The following PPP1R13B variants were observed in gnomAD, a reference collection of about 807,000 sequenced individuals.
PPP1R13B encodes apoptosis-stimulating of p53 protein 1.
A neutral mutation model predicts 119.8 loss-of-function variants in PPP1R13B; 44 were observed. The ratio of observed to expected loss-of-function variants is 0.37; its 90% CI spans 0.29 to 0.47. The LOEUF is 0.47. Among genes scored for constraint, PPP1R13B ranks in the 20% least tolerant of loss-of-function variants. The probability of loss-of-function intolerance (pLI) is 0.99; values close to 1 mark genes in which losing one functional copy is unlikely to be tolerated. For missense variants in PPP1R13B, 1,227 were observed against 1,413.5 expected (o/e 0.87, Z 2.12); for synonymous variants, 542 against 561.5 (o/e 0.97, Z 0.49).
chr14:103,815,170 G>A (rs971415245), intron 1 of PPP1R13B, among the ~76,000 whole-genome samples: 2 of 152,096 alleles, frequency 1.3e-5, no homozygotes, highest in African/African-American at 4.8e-5. Context: ...AGTGAAAGAA[G>A]CCAGATACAA....
chr14:103,783,506 C>T (rs145569868), intron 3 of PPP1R13B, among the ~76,000 whole-genome samples: 16 of 152,180 alleles, frequency 1.1e-4, no homozygotes, highest in African/African-American at 1.9e-4. Context: ...CCTGCCTTGG[C>T]CTCCCAAAGT....
intron 1 of PPP1R13B, among the ~76,000 whole-genome samples, chr14:103,825,474 T>C (rs1347799079): frequency 6.6e-6 from 1 of 152,186 alleles, no homozygotes; most frequent in Non-Finnish European, 1.5e-5. Flanking sequence ...AAATTAAAAG[T>C]GCTACCCAGT....
chr14:103,821,197 T>A (rs915744021), intron 1 of PPP1R13B, among the ~76,000 whole-genome samples: 1 of 152,232 alleles, frequency 6.6e-6, no homozygotes, highest in African/African-American at 2.4e-5. Flanking sequence ...CATCCCTGCA[T>A]GACACATCCT....
At chr14:103,803,684 A>T (rs2085955076) in intron 1 of PPP1R13B, among the ~76,000 whole-genome samples, 1 of 152,118 alleles carries the variant, frequency 6.6e-6, no homozygotes, top group African/African-American at 2.4e-5. Context: ...ATAAACAAAT[A>T]AATAAAAGAT....
intron 1 of PPP1R13B, 87 bp downstream of exon 1, chr14:103,847,212 G>A (rs2152093927): frequency 2.9e-6 from 3 of 1,043,840 alleles, no homozygotes; most frequent in Middle Eastern, 4.5e-4. Flanking sequence ...GCACCGGCCC[G>A]CGGGGGCTGG....
intron 1 of PPP1R13B, among the ~76,000 whole-genome samples, chr14:103,833,950 C>G (rs541787906): frequency 6.6e-6 from 1 of 152,200 alleles, no homozygotes; most frequent in African/African-American, 2.4e-5. Context: ...CTTCAGTAAG[C>G]AAGTACATGT....
At chr14:103,836,288 C>T (rs975506845) in intron 1 of PPP1R13B, among the ~76,000 whole-genome samples, 9 of 151,642 alleles carry the variant, frequency 5.9e-5, no homozygotes, top group East Asian at 2.0e-4. Flanking sequence ...TCAGGTGATC[C>T]GCCTGCCTTG....
chr14:103,804,098 T>G, intron 1 of PPP1R13B: 1 of 982,178 alleles, frequency 1.0e-6, no homozygotes, highest in African/African-American at 1.7e-5. Context: ...CATTTTTTTT[T>G]TCATTCAAAA....
intron 2 of PPP1R13B, among the ~76,000 whole-genome samples, chr14:103,788,732 C>A (rs2085534055): frequency 1.3e-5 from 2 of 151,852 alleles, no homozygotes; most frequent in Admixed American, 6.6e-5. Flanking sequence ...CTACAGAAAC[C>A]TAGAGTTCCG....
chr14:103,800,395 G>A (rs1159747925), intron 1 of PPP1R13B, among the ~76,000 whole-genome samples: 3 of 152,054 alleles, frequency 2.0e-5, no homozygotes, highest in Non-Finnish European at 4.4e-5. Flanking sequence ...GCTTACGCCT[G>A]TAATCCCAGC....
chr14:103,799,935 C>G (rs1003217012), intron 1 of PPP1R13B, among the ~76,000 whole-genome samples: 1 of 151,912 alleles, frequency 6.6e-6, no homozygotes, highest in African/African-American at 2.4e-5. Context: ...CCTGCAGTCC[C>G]AGCTACTCAG....
rs530229027 is a variant in PPP1R13B at position 103,740,214 on chromosome 14, G to A, written c.2202C>T (p.Ala734=). The A allele has an allele frequency of 3.9e-5, 63 of 1,613,728 alleles. No homozygotes were observed. Among genetic ancestry groups the A allele is most frequent in the East Asian group, 2.9e-4 (13 of 44,878 alleles). The change falls in exon 12 of 17, where the codon GCC becomes GCT. Residue 734 remains alanine (A), a synonymous_variant. Coordinates refer to ENST00000202556, the MANE Select transcript of PPP1R13B (RefSeq NM_015316.3). The surrounding 1 kb of genome is among the most constrained non-coding windows in gnomAD (Gnocchi z 4.6). The stretch of plus-strand genomic sequence containing the variant: ...AGAAAGGGGTGCCCTCCATGCCACC[G>A]GCCAGGGTGTTGAAGCGCTGGTACA... ...KLLYQRFNTL[A]GGMEGTPFYQ...
chr14:103,758,035 G>A (rs923718445), intron 4 of PPP1R13B, among the ~76,000 whole-genome samples: 21 of 152,140 alleles, frequency 1.4e-4, no homozygotes, highest in African/African-American at 5.1e-4. Flanking sequence ...CCTCCTTCTG[G>A]AATGACAATT....
At chr14:103,814,207 G>C (rs1331543135) in intron 1 of PPP1R13B, among the ~76,000 whole-genome samples, 1 of 152,010 alleles carries the variant, frequency 6.6e-6, no homozygotes, top group Non-Finnish European at 1.5e-5. Flanking sequence ...ATATTAGCCG[G>C]GCATGGTGGC....
At chr14:103,846,819 C>T (rs1406882632) in intron 1 of PPP1R13B, 3 of 464,682 alleles carry the variant, frequency 6.5e-6, no homozygotes, top group East Asian at 1.4e-4. Context: ...GATGGCTCTC[C>T]AAATCCGTGC....
chr14:103,740,058 G>A lies in PPP1R13B; in HGVS notation c.2358C>T (p.Ala786=). The change falls in exon 12 of 17, where the codon GCC becomes GCT. Residue 786 remains alanine, a synonymous_variant. Transcript: ENST00000202556. The surrounding 1 kb of genome is among the most constrained non-coding windows in gnomAD (Gnocchi z 4.6). ...QPTAPLPAEP[A]PSSDANDNEL... ...CATTATCATTGGCATCTGATGACGGGGCAGGCTCAGCGGGGAGTGGGGCTG... is the reference window on the plus strand; with the variant it reads ...CATTATCATTGGCATCTGATGACGGAGCAGGCTCAGCGGGGAGTGGGGCTG... The A allele has an allele frequency of 6.2e-7, 1 of 1,614,074 alleles. No homozygotes were observed. Among genetic ancestry groups the A allele is most frequent in the Non-Finnish European group, 8.5e-7 (1 of 1,180,008 alleles).
chr14:103,793,034 T>C (rs2085662691), intron 2 of PPP1R13B, among the ~76,000 whole-genome samples: 1 of 146,368 alleles, frequency 6.8e-6, no homozygotes, highest in African/African-American at 2.5e-5. Flanking sequence ...AATGCGCCAC[T>C]GCACTCCAGC....
At chr14:103,834,736 A>G (rs569840863) in intron 1 of PPP1R13B, among the ~76,000 whole-genome samples, 1 of 151,664 alleles carries the variant, frequency 6.6e-6, no homozygotes, top group South Asian at 2.1e-4. Context: ...GATTACAGGT[A>G]CCCACCACCA....
At chr14:103,802,674 T>C (rs2085928550) in intron 1 of PPP1R13B, among the ~76,000 whole-genome samples, 1 of 152,148 alleles carries the variant, frequency 6.6e-6, no homozygotes, top group Admixed American at 6.6e-5. Flanking sequence ...TCTTTATGAA[T>C]GCATTGTCAG....
Sources: gnomAD v4.1 joint callset for allele counts (sites outside exome capture counted in the v4.1 genomes callset) on GRCh38, gnomAD v4.1.1 for gene constraint, Gnocchi (gnomAD v3.1) non-coding constraint, MANE v1.5 for transcripts, NCBI Gene and HGNC (gene_info 2026-07-23, HGNC 2026-07-21) for gene names.